ZFHX4: variants seen among roughly 807,000 people sequenced by gnomAD.
ZFHX4 encodes zinc finger homeobox 4, also known as zinc finger homeobox protein 4.
In ZFHX4, 56 loss-of-function variants were observed where a neutral mutation model predicts 267.6. The observed-to-expected ratio is 0.21, with a 90% CI of 0.17 to 0.26. ZFHX4 has a LOEUF of 0.26. Ranked by LOEUF, ZFHX4 falls within the 10% of genes least tolerant of loss-of-function variation. The pLI is 1.00. For missense variants in ZFHX4, 4,332 were observed against 4,420.0 expected, an observed-to-expected ratio of 0.98 and a Z score of 0.56; for synonymous variants, 1,778 against 1,665.6, an observed-to-expected ratio of 1.07 and a Z score of -1.64.
At chr8:76,785,153 C>A (rs1237818379) in intron 4 of ZFHX4, among the ~76,000 whole-genome samples, 1 of 151,690 alleles carries the variant, frequency 6.6e-6, no homozygotes, top group Non-Finnish European at 1.5e-5. Flanking sequence ...AAGCTGTATC[C>A]CCCTAGAATC....
chr8:76,712,396 C>CT (rs374260648), intron 3 of ZFHX4, among the ~76,000 whole-genome samples: 13 of 151,162 alleles, frequency 8.6e-5, no homozygotes, highest in East Asian at 7.8e-4. Context: ...CTTTTTGTGC[C>CT]TTTTTTTTTC....
intron 3 of ZFHX4, among the ~76,000 whole-genome samples, chr8:76,744,747 TA>T (rs1405888278): frequency 2.6e-5 from 4 of 152,134 alleles, no homozygotes; most frequent in Admixed American, 1.3e-4. Context: ...TTTCTTGCAT[TA>T]AAAAAATTTT....
chr8:76,845,915 T>C (rs920073809), intron 6 of ZFHX4, among the ~76,000 whole-genome samples: 4 of 152,000 alleles, frequency 2.6e-5, no homozygotes, highest in African/African-American at 9.7e-5. Flanking sequence ...TTTGAGGATA[T>C]TGTGTTGTCC....
At chr8:76,857,839 A>ATT (rs5892569) in intron 10 of ZFHX4, among the ~76,000 whole-genome samples, 8 of 142,652 alleles carry the variant, frequency 5.6e-5, no homozygotes, top group Non-Finnish European at 7.7e-5. Context: ...GCAATGACAG[A>ATT]TTTTTTTTTT....
intron 4 of ZFHX4, among the ~76,000 whole-genome samples, chr8:76,800,098 G>A (rs1431263457): frequency 6.6e-6 from 1 of 151,980 alleles, no homozygotes; most frequent in Non-Finnish European, 1.5e-5. Flanking sequence ...GAGGGTCCTA[G>A]CAGGAGGGGA....
At chr8:76,841,690 T>C (rs564379194) in intron 5 of ZFHX4, among the ~76,000 whole-genome samples, 1 of 152,228 alleles carries the variant, frequency 6.6e-6, no homozygotes, top group Non-Finnish European at 1.5e-5. Flanking sequence ...CTTCTTATCC[T>C]AATTTATGTA....
At chr8:76,777,077 A>C (rs1252875607) in intron 3 of ZFHX4, among the ~76,000 whole-genome samples, 2 of 152,168 alleles carry the variant, frequency 1.3e-5, no homozygotes. Flanking sequence ...TTTTTAAAAG[A>C]AGCACATAAA....
intron 10 of ZFHX4, among the ~76,000 whole-genome samples, chr8:76,860,397 C>A (rs1172349519): frequency 6.6e-6 from 1 of 151,902 alleles, no homozygotes; most frequent in Non-Finnish European, 1.5e-5. Context: ...TTATGTAACC[C>A]TAGATAAAAA....
At chr8:76,761,153 C>T (rs979808343) in intron 3 of ZFHX4, among the ~76,000 whole-genome samples, 1 of 152,126 alleles carries the variant, frequency 6.6e-6, no homozygotes, top group Non-Finnish European at 1.5e-5. Context: ...AGACCTATAA[C>T]CAAACACTGT....
rs932077093 is a variant in ZFHX4 at position 76,865,665 on chromosome 8, G to A, written c.*1100G>A. The A allele has an allele frequency of 1.3e-5, 2 of 152,246 alleles. No individual in the cohort carries two copies. The highest frequency in any genetic ancestry group is 2.9e-5 in the Non-Finnish European group (2 of 67,962). 9.4% of individuals were successfully genotyped at this position (152,246 alleles called of 1,614,324 possible). On this transcript the variant is annotated 3_prime_UTR_variant, in exon 11 of 11. Transcript: ENST00000651372. ...ACAAGTTGAACAAAAATTATGAAAA[G>A]GTATATTTGCTTCTCGGGAAAGCAA... is the stretch of plus-strand genomic sequence containing the variant.
At chr8:76,822,818 G>A (rs1183360734) in intron 4 of ZFHX4, among the ~76,000 whole-genome samples, 1 of 151,836 alleles carries the variant, frequency 6.6e-6, no homozygotes, top group Non-Finnish European at 1.5e-5. Flanking sequence ...CTAGAGTTTT[G>A]CCCTTACCCT....
chr8:76,860,071 G>A (rs760166526), intron 10 of ZFHX4, among the ~76,000 whole-genome samples: 5 of 151,912 alleles, frequency 3.3e-5, no homozygotes, highest in Admixed American at 1.3e-4. Flanking sequence ...AATTTGACAC[G>A]CATTTAATTG....
intron 5 of ZFHX4, among the ~76,000 whole-genome samples, chr8:76,836,698 G>A (rs1016750109): frequency 1.3e-5 from 2 of 151,948 alleles, no homozygotes; most frequent in African/African-American, 2.4e-5. Context: ...GTTATTGTAA[G>A]TGAAATAGTA....
At chr8:76,805,426 A>G (rs1241533351) in intron 4 of ZFHX4, among the ~76,000 whole-genome samples, 1 of 152,100 alleles carries the variant, frequency 6.6e-6, no homozygotes, top group African/African-American at 2.4e-5. Context: ...ATATATAGCT[A>G]TTTTGAATTT....
Position 76,854,738 on chromosome 8 carries a change from A to G in ZFHX4, c.7817A>G (p.Lys2606Arg). ...GNSGEDQHRDKRLRTTITPEQ... is the reference protein window; with the variant it reads ...GNSGEDQHRDRRLRTTITPEQ... ...AGCGGTGAAGACCAACACCGAGATA[A>G]ACGCTTGAGAACCACGATCACCCCG... The change falls in exon 10 of 11, where the codon AAA (lysine) becomes AGA (arginine). Residue 2606 changes from lysine to arginine, a missense_variant. Lys to Arg is a conservative substitution (Grantham distance 26). This residue lies in a region of ZFHX4 where 1,648 missense variants were observed against 1,625.0 expected (regional missense o/e 1.01). Transcript: ENST00000651372. 6.2e-7 allele frequency: 1 copy of G among 1,612,580 alleles called. No homozygotes were observed.
chr8:76,688,897 G>C (rs1807757511), intron 1 of ZFHX4, among the ~76,000 whole-genome samples: 1 of 152,006 alleles, frequency 6.6e-6, no homozygotes, highest in South Asian at 2.1e-4. Context: ...CATCACTTTA[G>C]CAGTTTTGTT....
intron 1 of ZFHX4, among the ~76,000 whole-genome samples, chr8:76,693,959 G>A (rs961509673): frequency 2.0e-5 from 3 of 152,108 alleles, no homozygotes; most frequent in South Asian, 2.1e-4. Flanking sequence ...CTAGTAAGGC[G>A]GTCTGATGCC....
intron 4 of ZFHX4, among the ~76,000 whole-genome samples, chr8:76,822,417 A>G (rs1000397956): frequency 3.2e-5 from 4 of 124,616 alleles, no homozygotes; most frequent in Admixed American, 2.4e-4. Flanking sequence ...TTTGGCCACT[A>G]TTTTACCAAT....
intron 3 of ZFHX4, among the ~76,000 whole-genome samples, chr8:76,728,951 A>G (rs1291473704): frequency 1.3e-5 from 2 of 152,208 alleles, no homozygotes; most frequent in South Asian, 4.1e-4. Context: ...TTGACCTCCA[A>G]ATAATCTCAT....
Sources: gnomAD v4.1 joint callset for allele counts (sites outside exome capture counted in the v4.1 genomes callset) on GRCh38, gnomAD v4.1.1 for gene constraint, gnomAD v4.1.1 regional missense constraint, MANE v1.5 for transcripts, NCBI Gene and HGNC (gene_info 2026-07-23, HGNC 2026-07-21) for gene names.